NTRK3: variants seen among roughly 807,000 people sequenced by gnomAD.
NTRK3 encodes NT-3 growth factor receptor.
NTRK3 carries 24 observed loss-of-function variants against 91.7 expected under a neutral mutation model. The observed-to-expected ratio is 0.26, with a 90% confidence interval of 0.19 to 0.37. NTRK3 has a LOEUF of 0.37. Among genes scored for constraint, NTRK3 ranks in the 10% least tolerant of loss-of-function variants. The pLI is 1.00. For missense variants in NTRK3, 880 were observed against 1,068.9 expected (o/e 0.82, Z 2.46); for synonymous variants, 483 against 404.0 (o/e 1.20, Z -2.34).
At chr15:88,114,271 AC>A (rs1216290882) in intron 13 of NTRK3, among the ~76,000 whole-genome samples, 61 of 152,260 alleles carry the variant, frequency 4.0e-4, no homozygotes, top group African/African-American at 1.4e-3. Flanking sequence ...CAATACAGAA[AC>A]CTCAGAAGAC....
At chr15:88,137,278 G>C in intron 7 of NTRK3, 126 bp downstream of exon 7, 1 of 1,086,668 alleles carries the variant, frequency 9.2e-7, no homozygotes, top group Non-Finnish European at 1.4e-6. Flanking sequence ...CACAACTGCA[G>C]AGTTCAAGGC....
chr15:87,992,887 C>T (rs1056521607), intron 14 of NTRK3, among the ~76,000 whole-genome samples: 3 of 152,166 alleles, frequency 2.0e-5, no homozygotes, highest in Admixed American at 6.5e-5. Context: ...GTGATAGATA[C>T]GGATTTCAGA....
rs745594399 is a variant in NTRK3 at position 88,255,870 on chromosome 15, G to T, written c.248+36C>A. ...TGGGCAGGAGGGAGACGCAGAGCGC[G>T]GGGGAGGCAGGCTGGGGAGCGGCCG... On this transcript the variant is annotated intron_variant, in intron 3 of 18. Coordinates refer to ENST00000394480, the Ensembl canonical transcript of NTRK3. The surrounding 1 kb of genome is among the most constrained non-coding windows in gnomAD (Gnocchi z 4.3). The T allele has an allele frequency of 7.0e-6, 11 of 1,581,602 alleles. No homozygotes were observed. The highest frequency in any genetic ancestry group is 1.1e-5 in the South Asian group (1 of 87,952).
intron 17 of NTRK3, chr15:87,925,552 T>A: frequency 4.7e-6 from 1 of 211,370 alleles, no homozygotes; most frequent in East Asian, 6.9e-5. Context: ...TAATCAGTGA[T>A]AGCAGAGAGG....
intron 13 of NTRK3, among the ~76,000 whole-genome samples, chr15:88,084,017 T>C (rs1410781649): frequency 6.6e-6 from 1 of 152,080 alleles, no homozygotes; most frequent in African/African-American, 2.4e-5. Context: ...TTAATCCATA[T>C]GTCTCTGATT....
At chr15:87,973,905 T>C (rs2073475818) in intron 14 of NTRK3, among the ~76,000 whole-genome samples, 1 of 152,062 alleles carries the variant, frequency 6.6e-6, no homozygotes, top group African/African-American at 2.4e-5. Context: ...AATGTGCGAG[T>C]CTAGCCAGAG....
At chr15:88,040,075 G>T (rs188800814) in intron 13 of NTRK3, among the ~76,000 whole-genome samples, 1 of 152,338 alleles carries the variant, frequency 6.6e-6, no homozygotes, top group East Asian at 1.9e-4. Flanking sequence ...AGAACATAAA[G>T]TACATTGATT....
intron 3 of NTRK3, among the ~76,000 whole-genome samples, chr15:88,194,998 C>T (rs2047696369): frequency 6.6e-6 from 1 of 152,222 alleles, no homozygotes; most frequent in African/African-American, 2.4e-5. Flanking sequence ...GAACCTTCCT[C>T]TAGATCAATA....
rs143328067 is a variant in NTRK3 at position 88,039,827 on chromosome 15, G to C, written c.1397-6782C>G. ...CACGTCCACCCTACTGCTGTGTCCGGTTTCCATTGGCTGGAATGGGACCTC... is the reference window on the plus strand; with the variant it reads ...CACGTCCACCCTACTGCTGTGTCCGCTTTCCATTGGCTGGAATGGGACCTC... On this transcript the variant is annotated intron_variant, in intron 13 of 18. Coordinates refer to ENST00000394480, the Ensembl canonical transcript of NTRK3. Among the ~76,000 whole-genome samples, 981 of 152,318 alleles carry C rather than the reference G, an allele frequency of 6.4e-3. 20 individuals are homozygous for C. The highest frequency in any genetic ancestry group is 0.022 in the African/African-American group (932 of 41,560).
In NTRK3 at chr15:88,070,030, C is replaced by T. The variant is rs568061095; in HGVS notation, c.1397-36985G>A. On this transcript the variant is annotated intron_variant, in intron 13 of 18. Coordinates refer to ENST00000394480, the Ensembl canonical transcript of NTRK3. ...AACCTCAGCTGCCCCAAATCCATCT[C>T]ACAGCTGTTTCTTTTTGCTCCCTTC... Among the ~76,000 whole-genome samples, 7 of 152,314 alleles carry T rather than the reference C, an allele frequency of 4.6e-5. No individual in the cohort carries two copies. In the East Asian group the frequency reaches 1.4e-3, roughly 29 times the overall value.
chr15:88,163,759 T>C (rs917096424), intron 5 of NTRK3, among the ~76,000 whole-genome samples: 4 of 152,206 alleles, frequency 2.6e-5, no homozygotes, highest in Admixed American at 6.5e-5. Flanking sequence ...TAGTGACAGG[T>C]GACCACACAT....
intron 10 of NTRK3, among the ~76,000 whole-genome samples, chr15:88,131,687 C>T (rs2041368332): frequency 6.6e-6 from 1 of 152,206 alleles, no homozygotes; most frequent in South Asian, 2.1e-4. Context: ...TCACGTTAGC[C>T]AAATGTTTTG....
chr15:87,908,731 T>C (rs150152559), intron 17 of NTRK3, among the ~76,000 whole-genome samples: 99 of 152,252 alleles, frequency 6.5e-4, no homozygotes, highest in African/African-American at 2.3e-3. Flanking sequence ...TTGTCCTGCA[T>C]CATTAGGGAG....
At chr15:88,186,198 C>G (rs889113093) in intron 3 of NTRK3, among the ~76,000 whole-genome samples, 14 of 152,220 alleles carry the variant, frequency 9.2e-5, no homozygotes, top group African/African-American at 3.1e-4. Context: ...CTCCAGCTTC[C>G]TACAAGGATC....
At chr15:88,192,704 GCT>G (rs959221227) in intron 3 of NTRK3, among the ~76,000 whole-genome samples, 2 of 152,068 alleles carry the variant, frequency 1.3e-5, no homozygotes, top group Non-Finnish European at 2.9e-5. Flanking sequence ...TGTTTTGTGG[GCT>G]CCAGTCACAC....
intron 17 of NTRK3, among the ~76,000 whole-genome samples, chr15:87,883,642 A>G (rs1408452597): frequency 2.6e-5 from 4 of 151,168 alleles, no homozygotes; most frequent in African/African-American, 9.7e-5. Context: ...ACCTAAAAAA[A>G]GTATCAAAAC....
chr15:88,135,766 A>G lies in NTRK3; in HGVS notation c.907+133T>C, dbSNP rs954753628. ...ACTTACTTCTCAGTCCTGCCCTACA[A>G]GAGTCCTTCTGTCCCTACTGGTAGA... On this transcript the variant is annotated intron_variant, in intron 9 of 18. Transcript: ENST00000394480. 21 of 1,222,948 alleles carry G rather than the reference A, an allele frequency of 1.7e-5. No homozygotes were observed. In the African/African-American group the frequency reaches 2.5e-4, roughly 15 times the overall value. 75.8% of individuals were successfully genotyped at this position (1,222,948 alleles called of 1,614,324 possible).
At chr15:88,105,617 C>A (rs2150921137) in intron 13 of NTRK3, among the ~76,000 whole-genome samples, 1 of 152,234 alleles carries the variant, frequency 6.6e-6, no homozygotes, top group Admixed American at 6.5e-5. Flanking sequence ...TTTCCTTGTG[C>A]TTCACACAGA....
chr15:88,180,986 C>A (rs141075528), intron 5 of NTRK3, among the ~76,000 whole-genome samples: 1 of 152,174 alleles, frequency 6.6e-6, no homozygotes, highest in Non-Finnish European at 1.5e-5. Flanking sequence ...CGTCTCTCTG[C>A]GACCCCCAGG....
Sources: allele counts gnomAD v4.1 joint callset (sites outside exome capture counted in the v4.1 genomes callset), GRCh38; gene constraint gnomAD v4.1.1; non-coding constraint Gnocchi (gnomAD v3.1); transcripts MANE v1.5; gene names NCBI Gene and HGNC (gene_info 2026-07-23, HGNC 2026-07-21).